The following GUCY1A2 variants were observed in gnomAD, a reference collection of about 807,000 sequenced individuals.
GUCY1A2 encodes the protein guanylate cyclase soluble subunit alpha-2.
A neutral mutation model predicts 63.5 loss-of-function variants in GUCY1A2; 27 were observed. That is an observed-to-expected ratio of 0.43 (90% CI 0.31 to 0.59). The LOEUF is 0.59. Among genes scored for constraint, GUCY1A2 ranks in the 20% least tolerant of loss-of-function variants. The pLI is 0.11. For missense variants in GUCY1A2, 768 were observed against 913.3 expected (o/e 0.84, Z 2.05); for synonymous variants, 364 against 343.5 (o/e 1.06, Z -0.66).
intron 4 of GUCY1A2, among the ~76,000 whole-genome samples, chr11:106,825,783 A>T (rs1201587011): frequency 1.3e-5 from 2 of 152,182 alleles, no homozygotes; most frequent in Non-Finnish European, 2.9e-5. Flanking sequence ...TGCAAGAAAA[A>T]TCTCAAGTTT....
At chr11:106,958,888 C>T (rs928118222) in intron 3 of GUCY1A2, among the ~76,000 whole-genome samples, 7 of 152,142 alleles carry the variant, frequency 4.6e-5, no homozygotes, top group East Asian at 3.8e-4. Context: ...TGCCTTGTGC[C>T]GTTCACATTT....
At chr11:106,897,930 G>A (rs1248704975) in intron 4 of GUCY1A2, among the ~76,000 whole-genome samples, 1 of 152,060 alleles carries the variant, frequency 6.6e-6, no homozygotes, top group African/African-American at 2.4e-5. Context: ...GCCACAGACT[G>A]GGAGAAAATA....
At chr11:106,897,974 T>C (rs1860074804) in intron 4 of GUCY1A2, among the ~76,000 whole-genome samples, 1 of 152,036 alleles carries the variant, frequency 6.6e-6, no homozygotes, top group African/African-American at 2.4e-5. Flanking sequence ...TTATCCAAAA[T>C]AGACAAATAA....
At chr11:106,930,292 T>C (rs1860583464) in intron 4 of GUCY1A2, among the ~76,000 whole-genome samples, 1 of 152,300 alleles carries the variant, frequency 6.6e-6, no homozygotes, top group Non-Finnish European at 1.5e-5. Context: ...AGCTAGTAAA[T>C]AACAGTCTGA....
chr11:106,701,342 C>G (rs1424419408), intron 7 of GUCY1A2, among the ~76,000 whole-genome samples: 1 of 151,614 alleles, frequency 6.6e-6, no homozygotes. Flanking sequence ...ACAGACACTC[C>G]AAATAAACAC....
intron 2 of GUCY1A2, among the ~76,000 whole-genome samples, chr11:106,985,328 A>T (rs1861387726): frequency 6.6e-6 from 1 of 152,258 alleles, no homozygotes; most frequent in Admixed American, 6.5e-5. Flanking sequence ...TTGCATGAGT[A>T]GGTAAATTTA....
intron 4 of GUCY1A2, among the ~76,000 whole-genome samples, chr11:106,937,165 A>G (rs1012102263): frequency 3.9e-5 from 6 of 152,312 alleles, no homozygotes; most frequent in South Asian, 2.1e-4. Context: ...AGAAATAAAT[A>G]TAAGGATGAG....
chr11:106,898,791 A>G (rs565467782), intron 4 of GUCY1A2, among the ~76,000 whole-genome samples: 1 of 152,304 alleles, frequency 6.6e-6, no homozygotes, highest in Non-Finnish European at 1.5e-5. Context: ...GTCATTATAC[A>G]TTTATCCAAA....
At chr11:106,956,694 C>A (rs1038238191) in intron 3 of GUCY1A2, among the ~76,000 whole-genome samples, 14 of 152,178 alleles carry the variant, frequency 9.2e-5, no homozygotes, top group African/African-American at 3.1e-4. Context: ...AGGCACCAAC[C>A]TGATGCCAGT....
At chr11:106,844,788 A>T (rs7943498) in intron 4 of GUCY1A2, among the ~76,000 whole-genome samples, 23,414 of 151,618 alleles carry the variant, frequency 0.15, 1,937 homozygotes, top group Admixed American at 0.21. Flanking sequence ...TCAGAGTGGA[A>T]GGGCTTATTA....
chr11:106,819,263 T>A (rs1252859608), intron 4 of GUCY1A2, among the ~76,000 whole-genome samples: 4 of 152,112 alleles, frequency 2.6e-5, no homozygotes, highest in Admixed American at 6.6e-5. Context: ...AACAAAAGAT[T>A]TAGAATATTA....
chr11:106,719,658 T>C (rs1040171388), intron 6 of GUCY1A2, among the ~76,000 whole-genome samples: 2 of 152,200 alleles, frequency 1.3e-5, no homozygotes, highest in African/African-American at 2.4e-5. Flanking sequence ...TGAGTTACAA[T>C]GTAGAACTCT....
chr11:106,774,047 T>C (rs1259240004), intron 6 of GUCY1A2, among the ~76,000 whole-genome samples: 4 of 152,164 alleles, frequency 2.6e-5, no homozygotes, highest in Non-Finnish European at 4.4e-5. Flanking sequence ...ACAATACCAA[T>C]TTCAATTAGT....
chr11:106,732,508 T>C (rs1179080609), intron 6 of GUCY1A2, among the ~76,000 whole-genome samples: 1 of 152,188 alleles, frequency 6.6e-6, no homozygotes, highest in Non-Finnish European at 1.5e-5. Flanking sequence ...ATCTGTAACC[T>C]ACTAGAAAAT....
At chr11:106,872,394 T>C (rs1201578898) in intron 4 of GUCY1A2, among the ~76,000 whole-genome samples, 5 of 152,184 alleles carry the variant, frequency 3.3e-5, no homozygotes, top group African/African-American at 1.2e-4. Context: ...CATTGCTACA[T>C]ACCAGTCAAG....
intron 3 of GUCY1A2, among the ~76,000 whole-genome samples, chr11:106,951,177 T>C (rs1860903363): frequency 1.3e-5 from 2 of 152,248 alleles, no homozygotes; most frequent in South Asian, 2.1e-4. Flanking sequence ...ATCTTTGTTA[T>C]TGTAAACAGT....
intron 4 of GUCY1A2, among the ~76,000 whole-genome samples, chr11:106,860,322 A>T (rs1225033839): frequency 6.6e-6 from 1 of 151,626 alleles, no homozygotes; most frequent in Non-Finnish European, 1.5e-5. Context: ...CTTGCAGGGG[A>T]AAAAAGGAAA....
intron 4 of GUCY1A2, chr11:106,936,574 C>CT: frequency 4.0e-6 from 3 of 759,054 alleles, no homozygotes; most frequent in Non-Finnish European, 4.3e-6. Context: ...TGGATGATCA[C>CT]TTAGAGAAAA....
intron 3 of GUCY1A2, among the ~76,000 whole-genome samples, chr11:106,947,928 T>G (rs1860852226): frequency 6.6e-6 from 1 of 151,992 alleles, no homozygotes; most frequent in African/African-American, 2.4e-5. Flanking sequence ...GGAGTAGGAA[T>G]TAATAGATAA....
Sources: gnomAD v4.1 joint callset for allele counts (sites outside exome capture counted in the v4.1 genomes callset) on GRCh38, gnomAD v4.1.1 for gene constraint, MANE v1.5 for transcripts, NCBI Gene and HGNC (gene_info 2026-07-23, HGNC 2026-07-21) for gene names.